ADARB2: variants seen among roughly 807,000 people sequenced by gnomAD.
The protein encoded by ADARB2 is adenosine deaminase RNA specific B2 (inactive).
ADARB2 carries 25 observed loss-of-function variants against 62.2 expected under a neutral mutation model. That is an observed-to-expected ratio of 0.40 (90% CI 0.29 to 0.56). The LOEUF (loss-of-function observed/expected upper bound fraction) is 0.56. Among genes scored for constraint, ADARB2 ranks in the 20% least tolerant of loss-of-function variants. The probability of loss-of-function intolerance (pLI) is 0.43; values close to 1 mark genes in which losing one functional copy is unlikely to be tolerated. For missense variants in ADARB2, 1,071 were observed against 1,077.4 expected, an observed-to-expected ratio of 0.99 and a Z score of 0.08; for synonymous variants, 572 against 500.8, an observed-to-expected ratio of 1.14 and a Z score of -1.90.
At chr10:1,533,117 A>G (rs28590355) in intron 1 of ADARB2, among the ~76,000 whole-genome samples, 5 of 79,742 alleles carry the variant, frequency 6.3e-5, no homozygotes, top group African/African-American at 2.0e-4. Flanking sequence ...TGTAAACATC[A>G]CCTTTTTTTT....
chr10:1,558,404 C>T (rs1832737682), intron 1 of ADARB2, among the ~76,000 whole-genome samples: 1 of 131,508 alleles, frequency 7.6e-6, no homozygotes, highest in Admixed American at 7.6e-5. Flanking sequence ...CCCACCTCTG[C>T]CCCCCTCCGT....
At position 1,327,313 on chromosome 10, in the gene ADARB2, A is replaced by ACCTCCTCACTGCCCAGCG. The variant is rs1831873081; in HGVS notation, c.1077+35714_1077+35715insCGCTGGGCAGTGAGGAGG. On this transcript the variant is annotated intron_variant, in intron 3 of 9. Coordinates refer to ENST00000381312, the MANE Select transcript of ADARB2 (RefSeq NM_018702.4). ...GCCCAGCGCCTCCCCACGGCACAGC[A>ACCTCCTCACTGCCCAGCG]CCTCCTCACTGCACAGCGCCTCCTC... Among the ~76,000 whole-genome samples, 21 of 19,402 alleles carry ACCTCCTCACTGCCCAGCG rather than the reference A, an allele frequency of 1.1e-3. 9 individuals are homozygous for ACCTCCTCACTGCCCAGCG. Among genetic ancestry groups the ACCTCCTCACTGCCCAGCG allele is most frequent in the African/African-American group, 2.4e-3 (6 of 2,476 alleles). 12.7% of individuals were successfully genotyped at this position (19,402 alleles called of 152,430 possible).
intron 1 of ADARB2, chr10:1,534,469 C>T (rs1470526759): frequency 6.6e-6 from 1 of 152,308 alleles, no homozygotes; most frequent in Non-Finnish European, 1.5e-5. Context: ...CCAGAAGAAC[C>T]CGGAGGCTTT....
At chr10:1,591,508 A>C (rs576497991) in intron 1 of ADARB2, among the ~76,000 whole-genome samples, 5 of 152,232 alleles carry the variant, frequency 3.3e-5, no homozygotes, top group Non-Finnish European at 5.9e-5. Flanking sequence ...CCCTGAGTTC[A>C]TTCTGTGCCC....
At chr10:1,551,149 C>G (rs1832615720) in intron 1 of ADARB2, among the ~76,000 whole-genome samples, 1 of 152,114 alleles carries the variant, frequency 6.6e-6, no homozygotes, top group South Asian at 2.1e-4. Context: ...AGGACACAGA[C>G]ACACACAGAA....
intron 1 of ADARB2, among the ~76,000 whole-genome samples, chr10:1,629,824 G>A (rs986144065): frequency 2.0e-5 from 3 of 152,038 alleles, no homozygotes; most frequent in Non-Finnish European, 2.9e-5. Flanking sequence ...ATGCCATTCC[G>A]AGAATGGCTG....
chr10:1,194,592 C>A (rs972274253), intron 8 of ADARB2, among the ~76,000 whole-genome samples: 15 of 152,220 alleles, frequency 9.9e-5, no homozygotes, highest in African/African-American at 3.4e-4. Flanking sequence ...TATATCATTT[C>A]TGCCTTCTGT....
At chr10:1,283,961 G>C (rs1376402236) in intron 3 of ADARB2, among the ~76,000 whole-genome samples, 1 of 152,184 alleles carries the variant, frequency 6.6e-6, no homozygotes. Context: ...TTTGTTTTTG[G>C]GATAAGAACA....
intron 1 of ADARB2, among the ~76,000 whole-genome samples, chr10:1,475,506 G>C (rs1330587316): frequency 6.6e-6 from 1 of 152,198 alleles, no homozygotes; most frequent in Non-Finnish European, 1.5e-5. Context: ...GAGTCGTGCT[G>C]TGCGGACAGG....
chr10:1,364,609 C>T (rs1047058664), intron 2 of ADARB2, among the ~76,000 whole-genome samples: 5 of 152,188 alleles, frequency 3.3e-5, no homozygotes, highest in African/African-American at 9.7e-5. Context: ...TGAATCACTA[C>T]GGAACGTGTA....
chr10:1,641,909 A>G (rs2119058245), intron 1 of ADARB2, among the ~76,000 whole-genome samples: 1 of 152,238 alleles, frequency 6.6e-6, no homozygotes, highest in East Asian at 1.9e-4. Context: ...GCTACCTGGG[A>G]GGCTGAGGCA....
intron 1 of ADARB2, among the ~76,000 whole-genome samples, chr10:1,578,318 C>T (rs1186372497): frequency 6.6e-6 from 1 of 151,856 alleles, no homozygotes; most frequent in Non-Finnish European, 1.5e-5. Flanking sequence ...TATTGCGTTA[C>T]TAAAATTTTC....
At chr10:1,271,409 G>A (rs904971342) in intron 3 of ADARB2, among the ~76,000 whole-genome samples, 1 of 152,168 alleles carries the variant, frequency 6.6e-6, no homozygotes, top group Admixed American at 6.5e-5. Context: ...GGCGGGGAGG[G>A]AATTTTTATA....
chr10:1,357,833 ACT>A (rs1321875373), intron 3 of ADARB2, among the ~76,000 whole-genome samples: 3 of 152,100 alleles, frequency 2.0e-5, no homozygotes, highest in African/African-American at 7.2e-5. Flanking sequence ...CCCCAGAAAA[ACT>A]CTGTGCAGAG....
At chr10:1,276,154 C>T (rs1831314347) in intron 3 of ADARB2, among the ~76,000 whole-genome samples, 1 of 152,138 alleles carries the variant, frequency 6.6e-6, no homozygotes, top group Non-Finnish European at 1.5e-5. Context: ...TTCTCCACAT[C>T]CTCTCCAGCA....
chr10:1,392,005 A>G (rs552662783), intron 1 of ADARB2, among the ~76,000 whole-genome samples: 2 of 152,122 alleles, frequency 1.3e-5, no homozygotes, highest in African/African-American at 2.4e-5. Context: ...AGCTCAAGCA[A>G]TCTGCCTGCC....
chr10:1,512,657 C>T (rs1291401926), intron 1 of ADARB2, among the ~76,000 whole-genome samples: 1 of 152,210 alleles, frequency 6.6e-6, no homozygotes, highest in East Asian at 1.9e-4. Context: ...AATTATTTCC[C>T]TCCAAGTTTC....
chr10:1,396,339 C>T (rs1832613123), intron 1 of ADARB2, among the ~76,000 whole-genome samples: 1 of 152,184 alleles, frequency 6.6e-6, no homozygotes, highest in Non-Finnish European at 1.5e-5. Flanking sequence ...GGTGGGCGCC[C>T]ACGCCTCGGC....
chr10:1,435,211 C>G (rs1830821710), intron 1 of ADARB2, among the ~76,000 whole-genome samples: 1 of 152,112 alleles, frequency 6.6e-6, no homozygotes, highest in Non-Finnish European at 1.5e-5. Flanking sequence ...GGCTGGGGGG[C>G]TGGGAGCAGA....
Sources: gnomAD v4.1 joint callset for allele counts (sites outside exome capture counted in the v4.1 genomes callset) on GRCh38, gnomAD v4.1.1 for gene constraint, MANE v1.5 for transcripts, NCBI Gene and HGNC (gene_info 2026-07-23, HGNC 2026-07-21) for gene names.